KDM4C: variants seen among roughly 807,000 people sequenced by gnomAD.
The protein encoded by KDM4C is lysine-specific demethylase 4C.
In KDM4C, 81 loss-of-function variants were observed where a neutral mutation model predicts 129.3. The ratio of observed to expected loss-of-function variants is 0.63; its 90% CI spans 0.52 to 0.75. The LOEUF (loss-of-function observed/expected upper bound fraction) is 0.75. KDM4C is among the 30% of genes least tolerant of loss of function. The pLI is 0.00. For synonymous variants in KDM4C, 573 were observed against 456.1 expected, an observed-to-expected ratio of 1.26 and a Z score of -3.26; for missense variants, 1,457 against 1,304.0, an observed-to-expected ratio of 1.12 and a Z score of -1.81.
At chr9:6,943,901 A>C (rs942321597) in intron 8 of KDM4C, among the ~76,000 whole-genome samples, 1 of 152,120 alleles carries the variant, frequency 6.6e-6, no homozygotes, top group Non-Finnish European at 1.5e-5. Flanking sequence ...CATGCTTGCT[A>C]AATTCTGAGA....
At position 7,151,724 on chromosome 9, in the gene KDM4C, T is replaced by C. The variant is rs976049610; in HGVS notation, c.2782-13514T>C. Among the ~76,000 whole-genome samples the C allele has an allele frequency of 2.6e-5, 4 of 152,154 alleles. No homozygotes were observed. The South Asian group carries it at 6.2e-4, about 24-fold the overall frequency. On this transcript the variant is annotated intron_variant, in intron 19 of 21. Coordinates refer to ENST00000381309, the MANE Select transcript of KDM4C (RefSeq NM_015061.6). Reference sequence around the variant, plus strand: ...AGTGGACAGTAGACTTGGATAGACTTGGAGTTTCCCAGAATGATTAGTGTC... The same window carrying C: ...AGTGGACAGTAGACTTGGATAGACTCGGAGTTTCCCAGAATGATTAGTGTC...
At chr9:6,812,408 G>A (rs1488851606) in intron 3 of KDM4C, among the ~76,000 whole-genome samples, 2 of 152,152 alleles carry the variant, frequency 1.3e-5, no homozygotes, top group African/African-American at 4.8e-5. Context: ...TTTTGGGGCA[G>A]TGGTCCCCAA....
intron 4 of KDM4C, among the ~76,000 whole-genome samples, chr9:6,818,454 G>C (rs1018572661): frequency 6.6e-6 from 1 of 152,236 alleles, no homozygotes; most frequent in Non-Finnish European, 1.5e-5. Context: ...GCACATGTGT[G>C]ATAAAGGTGA....
intron 8 of KDM4C, chr9:6,925,334 G>T: frequency 1.0e-6 from 1 of 985,290 alleles, no homozygotes; most frequent in African/African-American, 1.7e-5. Flanking sequence ...TCATCAGTTG[G>T]GCGTCTTCAT....
chr9:6,810,323 C>T (rs1030704254), intron 3 of KDM4C, among the ~76,000 whole-genome samples: 1 of 152,048 alleles, frequency 6.6e-6, no homozygotes, highest in Non-Finnish European at 1.5e-5. Flanking sequence ...GTACACAGTG[C>T]TTGGTATAGT....
chr9:7,174,383 T>C (rs1382143351), intron 21 of KDM4C, among the ~76,000 whole-genome samples, 170 bp from the exon 22 acceptor site: 1 of 152,090 alleles, frequency 6.6e-6, no homozygotes, highest in Non-Finnish European at 1.5e-5. Context: ...CCCCCCACTT[T>C]GGGTGGGAGA....
At chr9:6,751,486 G>A (rs566123833) in intron 1 of KDM4C, among the ~76,000 whole-genome samples, 1 of 152,256 alleles carries the variant, frequency 6.6e-6, no homozygotes, top group East Asian at 1.9e-4. Flanking sequence ...AGATTCAGCA[G>A]GTGGGGATAT....
At chr9:6,776,008 T>G (rs184945921) in intron 1 of KDM4C, among the ~76,000 whole-genome samples, 1 of 152,236 alleles carries the variant, frequency 6.6e-6, no homozygotes, top group Non-Finnish European at 1.5e-5. Flanking sequence ...TTGAGAACCA[T>G]TGTTACTTTT....
intron 18 of KDM4C, among the ~76,000 whole-genome samples, chr9:7,110,072 C>G (rs1318496234): frequency 6.6e-6 from 1 of 152,200 alleles, no homozygotes; most frequent in Admixed American, 6.5e-5. Flanking sequence ...TACCTAGTCT[C>G]AGGCGGTTCT....
chr9:6,752,570 C>G (rs1818109319), intron 1 of KDM4C, among the ~76,000 whole-genome samples: 1 of 151,246 alleles, frequency 6.6e-6, no homozygotes, highest in Non-Finnish European at 1.5e-5. Flanking sequence ...ACCACCATGC[C>G]TGGCTAATTT....
chr9:7,092,118 T>TC lies in KDM4C; in HGVS notation c.2425-11567_2425-11566insC, dbSNP rs1235064837. ...GTATTATTACATTCTGCTGTTTCTT[T>TC]TTTCTTCTTCTTCTTCATCCTTGAA... is the stretch of plus-strand genomic sequence containing the variant. On this transcript the variant is annotated intron_variant, in intron 17 of 21. Coordinates refer to ENST00000381309, the MANE Select transcript of KDM4C (RefSeq NM_015061.6). Among the ~76,000 whole-genome samples, 7 of 152,138 alleles carry TC rather than the reference T, an allele frequency of 4.6e-5. No homozygotes were observed. The South Asian group carries it at 6.2e-4, about 14-fold the overall frequency.
At chr9:6,735,066 C>A in intron 1 of KDM4C, 1 of 443,918 alleles carries the variant, frequency 2.3e-6, no homozygotes, top group South Asian at 1.9e-5. Context: ...CTCCAAAGTT[C>A]AAATCTTCAT....
At chr9:6,827,809 A>G (rs958661792) in intron 4 of KDM4C, among the ~76,000 whole-genome samples, 1 of 152,230 alleles carries the variant, frequency 6.6e-6, no homozygotes, top group Non-Finnish European at 1.5e-5. Context: ...TTCAGGTTTT[A>G]GTTCTGTGAA....
chr9:6,757,329 C>T (rs114880739), upstream of KDM4C, among the ~76,000 whole-genome samples: 513 of 150,812 alleles, frequency 3.4e-3, 3 homozygotes, highest in African/African-American at 0.012. Flanking sequence ...CTTAAGAGCA[C>T]ACTTGGGCGG....
chr9:6,910,151 T>G (rs950502334), intron 8 of KDM4C, among the ~76,000 whole-genome samples: 1 of 152,134 alleles, frequency 6.6e-6, no homozygotes, highest in Non-Finnish European at 1.5e-5. Flanking sequence ...TGCTGCATGG[T>G]TTTTACCTTC....
intron 17 of KDM4C, among the ~76,000 whole-genome samples, chr9:7,092,664 A>G (rs1170321163): frequency 5.3e-5 from 8 of 152,196 alleles, no homozygotes; most frequent in South Asian, 2.1e-4. Flanking sequence ...ATAGGCACCC[A>G]TAGAGAAATG....
At chr9:7,022,847 T>C (rs1825121214) in intron 15 of KDM4C, among the ~76,000 whole-genome samples, 3 of 152,090 alleles carry the variant, frequency 2.0e-5, no homozygotes, top group Admixed American at 1.3e-4. Context: ...TTTTTGAGGG[T>C]TTTCATGAAG....
At chr9:7,006,290 A>G (rs951568058) in intron 12 of KDM4C, among the ~76,000 whole-genome samples, 4 of 152,208 alleles carry the variant, frequency 2.6e-5, no homozygotes, top group African/African-American at 9.7e-5. Flanking sequence ...TGTGCTTCAA[A>G]TTAATGGGGC....
Position 6,758,221 on chromosome 9 carries a change from G to A in KDM4C, c.-18+18G>A, listed in dbSNP as rs1205631215. The A allele has an allele frequency of 2.0e-6, 2 of 985,216 alleles. No homozygotes were observed. The highest frequency in any genetic ancestry group is 2.4e-6 in the Non-Finnish European group (2 of 829,830). 61.0% of individuals were successfully genotyped at this position (985,216 alleles called of 1,614,324 possible). On this transcript the variant is annotated intron_variant, in intron 1 of 21. Transcript: ENST00000381309. This position sits in a 1 kb window ranked among gnomAD's most constrained non-coding sequence, Gnocchi z 4.6. ...CGCGCCAGGTAACCGCTTTTCCGGA[G>A]TCTGGGGGCCAGGGCGGGGGGAGGG...
Sources: gnomAD v4.1 joint callset for allele counts (sites outside exome capture counted in the v4.1 genomes callset) on GRCh38, gnomAD v4.1.1 for gene constraint, Gnocchi (gnomAD v3.1) non-coding constraint, MANE v1.5 for transcripts, NCBI Gene and HGNC (gene_info 2026-07-23, HGNC 2026-07-21) for gene names.